The following LDB2 variants were observed in gnomAD, a reference collection of about 807,000 sequenced individuals.
LDB2 encodes LIM domain-binding protein 2.
A neutral mutation model predicts 44.3 loss-of-function variants in LDB2; 12 were observed. The ratio of observed to expected loss-of-function variants is 0.27; its 90% confidence interval spans 0.17 to 0.44. The LOEUF (loss-of-function observed/expected upper bound fraction) is 0.44. LDB2 is among the 20% of genes least tolerant of loss of function. The pLI is 1.00. For synonymous variants in LDB2, 164 were observed against 174.8 expected, an observed-to-expected ratio of 0.94 and a Z score of 0.49; for missense variants, 344 against 473.5, an observed-to-expected ratio of 0.73 and a Z score of 2.54.
At chr4:16,879,803 G>C (rs978330283) in intron 1 of LDB2, among the ~76,000 whole-genome samples, 1 of 152,078 alleles carries the variant, frequency 6.6e-6, no homozygotes, top group Non-Finnish European at 1.5e-5. Context: ...CTAACACAGA[G>C]GGAGTAGAGA....
intron 1 of LDB2, among the ~76,000 whole-genome samples, chr4:16,832,820 G>A (rs192493750): frequency 1.3e-5 from 2 of 152,326 alleles, no homozygotes; most frequent in Non-Finnish European, 2.9e-5. Flanking sequence ...TAGGACACTG[G>A]ACACAGGAGT....
At chr4:16,811,519 G>A (rs1158597713) in intron 1 of LDB2, among the ~76,000 whole-genome samples, 2 of 152,116 alleles carry the variant, frequency 1.3e-5, no homozygotes, top group African/African-American at 4.8e-5. Context: ...ACCTTTTAGG[G>A]AAAGGGCATT....
chr4:16,867,238 C>A (rs1715025126), intron 1 of LDB2, among the ~76,000 whole-genome samples: 1 of 152,184 alleles, frequency 6.6e-6, no homozygotes, highest in Non-Finnish European at 1.5e-5. Flanking sequence ...AAGAGATGAG[C>A]TAACCTGCGG....
chr4:16,738,973 T>C (rs1255963446), intron 2 of LDB2, among the ~76,000 whole-genome samples: 2 of 152,160 alleles, frequency 1.3e-5, no homozygotes, highest in Non-Finnish European at 2.9e-5. Flanking sequence ...CATTCTGGAA[T>C]ATGCCTCAAA....
chr4:16,518,926 C>A (rs975557093), intron 5 of LDB2, among the ~76,000 whole-genome samples: 3 of 152,136 alleles, frequency 2.0e-5, no homozygotes, highest in Non-Finnish European at 4.4e-5. Context: ...TAAGTCACAC[C>A]ATCTGAACCA....
chr4:16,878,287 G>A (rs1464094772), intron 1 of LDB2, among the ~76,000 whole-genome samples: 1 of 152,034 alleles, frequency 6.6e-6, no homozygotes, highest in Admixed American at 6.6e-5. Flanking sequence ...TGGGGCTGGG[G>A]GACACATGTA....
rs944656056 is a variant in LDB2, at chr4:16,898,529, C to T, written c.-44G>A. ...ATCAAGCTAAACAGAGTATCAGTAA[C>T]GTCCATGCAGAGCACATGGGCTGTG... is the stretch of plus-strand genomic sequence containing the variant. On this transcript the variant is annotated 5_prime_UTR_variant, in exon 1 of 8. Transcript: ENST00000304523. The T allele has an allele frequency of 3.1e-6, 5 of 1,607,370 alleles. No individual in the cohort carries two copies. The highest frequency in any genetic ancestry group is 2.2e-5 in the East Asian group (1 of 44,648).
chr4:16,574,383 TC>T (rs1747630595), intron 5 of LDB2, among the ~76,000 whole-genome samples: 1 of 152,168 alleles, frequency 6.6e-6, no homozygotes, highest in African/African-American at 2.4e-5. Context: ...AGGCACATGT[TC>T]CAGCTCCCTC....
At chr4:16,690,613 A>C (rs1049901191) in intron 2 of LDB2, among the ~76,000 whole-genome samples, 1 of 151,524 alleles carries the variant, frequency 6.6e-6, no homozygotes, top group Non-Finnish European at 1.5e-5. Context: ...AGAAAGATGT[A>C]TGGTTTTTTA....
intron 1 of LDB2, among the ~76,000 whole-genome samples, chr4:16,894,708 C>T (rs1724415795): frequency 6.6e-6 from 1 of 152,074 alleles, no homozygotes; most frequent in South Asian, 2.1e-4. Context: ...CAAAAAACTT[C>T]AGAATTGTAT....
At chr4:16,868,306 T>C (rs1715363402) in intron 1 of LDB2, among the ~76,000 whole-genome samples, 1 of 152,194 alleles carries the variant, frequency 6.6e-6, no homozygotes, top group Non-Finnish European at 1.5e-5. Context: ...GTATTATTAC[T>C]CAAAAACTTT....
chr4:16,748,626 G>A (rs1033233206), intron 2 of LDB2, among the ~76,000 whole-genome samples: 4 of 152,112 alleles, frequency 2.6e-5, no homozygotes, highest in Admixed American at 6.5e-5. Context: ...AACATGACAT[G>A]AATATGAAGA....
chr4:16,763,111 ACACACACG>A (rs1161791412), intron 1 of LDB2, among the ~76,000 whole-genome samples: 4 of 125,246 alleles, frequency 3.2e-5, no homozygotes, highest in Non-Finnish European at 7.3e-5. Flanking sequence ...ACACACACAC[ACACACACG>A]TAATTGGTTT....
At chr4:16,795,120 G>A (rs184843526) in intron 1 of LDB2, among the ~76,000 whole-genome samples, 2 of 152,228 alleles carry the variant, frequency 1.3e-5, no homozygotes, top group East Asian at 1.9e-4. Context: ...AAATCTTCCC[G>A]GAGCACATAA....
chr4:16,803,574 G>A (rs1449870260), intron 1 of LDB2, among the ~76,000 whole-genome samples: 1 of 152,052 alleles, frequency 6.6e-6, no homozygotes, highest in Non-Finnish European at 1.5e-5. Context: ...AACAATTGAT[G>A]AGAAAAAAAT....
At chr4:16,700,621 A>C (rs1357451475) in intron 2 of LDB2, among the ~76,000 whole-genome samples, 1 of 152,186 alleles carries the variant, frequency 6.6e-6, no homozygotes, top group Non-Finnish European at 1.5e-5. Flanking sequence ...AATCAAGACA[A>C]GATACGCTGG....
intron 7 of LDB2, among the ~76,000 whole-genome samples, chr4:16,503,299 G>T (rs1199956928): frequency 6.6e-6 from 1 of 152,076 alleles, no homozygotes; most frequent in African/African-American, 2.4e-5. Context: ...TTGGAAACTA[G>T]CAGTGACCGG....
chr4:16,680,493 T>C (rs1472103724), intron 2 of LDB2, among the ~76,000 whole-genome samples: 1 of 152,198 alleles, frequency 6.6e-6, no homozygotes, highest in East Asian at 1.9e-4. Context: ...AGGGTCCTTA[T>C]GGTATGCAGG....
chr4:16,555,012 T>C (rs1739017204), intron 5 of LDB2, among the ~76,000 whole-genome samples: 1 of 152,010 alleles, frequency 6.6e-6, no homozygotes, highest in Non-Finnish European at 1.5e-5. Flanking sequence ...GCCATGCATG[T>C]GATGCAGCCA....
Sources: allele counts gnomAD v4.1 joint callset (sites outside exome capture counted in the v4.1 genomes callset), GRCh38; gene constraint gnomAD v4.1.1; transcripts MANE v1.5; gene names NCBI Gene and HGNC (gene_info 2026-07-23, HGNC 2026-07-21).